COG5: variants seen among roughly 807,000 people sequenced by gnomAD.
COG5 encodes the protein conserved oligomeric Golgi complex subunit 5.
A neutral mutation model predicts 110.4 loss-of-function variants in COG5; 86 were observed. The ratio of observed to expected loss-of-function variants is 0.78; its 90% confidence interval spans 0.65 to 0.93. The LOEUF is 0.93. Among genes scored for constraint, COG5 ranks in the 40% least tolerant of loss-of-function variants. The pLI, the probability that COG5 is intolerant of heterozygous loss-of-function variation, is 0.00. For missense variants in COG5, 1,077 were observed against 987.0 expected, an observed-to-expected ratio of 1.09 and a Z score of -1.22; for synonymous variants, 360 against 334.6, an observed-to-expected ratio of 1.08 and a Z score of -0.83.
intron 14 of COG5, among the ~76,000 whole-genome samples, chr7:107,278,488 T>G (rs1465024962): frequency 1.3e-5 from 2 of 152,142 alleles, no homozygotes; most frequent in Non-Finnish European, 2.9e-5. Flanking sequence ...TTCTCATTGG[T>G]CAACTCCCAC....
chr7:107,304,173 C>A (rs1335257099), intron 11 of COG5, among the ~76,000 whole-genome samples: 3 of 152,144 alleles, frequency 2.0e-5, no homozygotes, highest in Non-Finnish European at 2.9e-5. Context: ...GCAAAAAGAA[C>A]CCCCACAGTT....
intron 6 of COG5, among the ~76,000 whole-genome samples, chr7:107,426,222 G>A (rs1390829211): frequency 6.6e-6 from 1 of 152,122 alleles, no homozygotes; most frequent in Admixed American, 6.6e-5. Context: ...TATGTCTCCA[G>A]ACACTGTTAT....
chr7:107,353,007 C>A (rs1242691426), intron 10 of COG5, among the ~76,000 whole-genome samples: 1 of 152,136 alleles, frequency 6.6e-6, no homozygotes, highest in Non-Finnish European at 1.5e-5. Flanking sequence ...GGTGATTAGA[C>A]AGTGATAATA....
chr7:107,295,975 T>C (rs1183458739), intron 12 of COG5, among the ~76,000 whole-genome samples: 2 of 152,006 alleles, frequency 1.3e-5, no homozygotes, highest in Non-Finnish European at 2.9e-5. Flanking sequence ...TTTTTTTCAG[T>C]AGAGATGGTG....
intron 2 of COG5, among the ~76,000 whole-genome samples, chr7:107,555,905 T>G (rs1409371780): frequency 6.6e-6 from 1 of 151,730 alleles, no homozygotes; most frequent in Admixed American, 6.6e-5. Context: ...TCTCAGCTAC[T>G]CAGGAGGCTG....
chr7:107,274,290 C>A (rs949690125), intron 14 of COG5, among the ~76,000 whole-genome samples: 2 of 152,032 alleles, frequency 1.3e-5, no homozygotes, highest in Non-Finnish European at 2.9e-5. Context: ...GGCAACATAG[C>A]GAAACCCTGT....
intron 21 of COG5, among the ~76,000 whole-genome samples, chr7:107,204,421 G>A (rs570510191): frequency 1.3e-5 from 2 of 151,822 alleles, no homozygotes; most frequent in East Asian, 1.9e-4. Flanking sequence ...GAACCAGATC[G>A]TCTGTTTAAG....
chr7:107,355,196 T>A (rs1010656035), intron 10 of COG5, among the ~76,000 whole-genome samples: 2 of 152,020 alleles, frequency 1.3e-5, no homozygotes, highest in Admixed American at 1.3e-4. Context: ...CAGGAAAACA[T>A]AAATTTAAAA....
At chr7:107,225,953 G>C (rs1321271628) in intron 19 of COG5, among the ~76,000 whole-genome samples, 1 of 152,166 alleles carries the variant, frequency 6.6e-6, no homozygotes, top group Non-Finnish European at 1.5e-5. Context: ...TGATGCAGGA[G>C]AATCGCTTGA....
At position 107,203,205 on chromosome 7, in the gene COG5, CT is replaced by C; in HGVS notation, c.*310del. The C allele has an allele frequency of 2.6e-6, 1 of 386,234 alleles. No homozygotes were observed. The allele number at this position is 386,234 out of a possible 1,614,324, so 23.9% of individuals were successfully genotyped here. A position where few individuals can be genotyped will look rare whatever the true frequency, so the allele number is the denominator to read the frequency against. ...CATATCCCTTTAAAAGAAGTGGGGA[CT>C]TTGGGTTTATGTACCCATAGGAGGA... On this transcript the variant is annotated 3_prime_UTR_variant, in exon 22 of 22. Transcript: ENST00000297135.
At chr7:107,247,209 G>A (rs1004604347) in intron 17 of COG5, among the ~76,000 whole-genome samples, 4 of 152,084 alleles carry the variant, frequency 2.6e-5, no homozygotes, top group Non-Finnish European at 4.4e-5. Context: ...CAGACACTGG[G>A]GTCGACTTGA....
chr7:107,223,681 T>C (rs1363206486), intron 19 of COG5, among the ~76,000 whole-genome samples: 4 of 152,348 alleles, frequency 2.6e-5, no homozygotes, highest in South Asian at 4.1e-4. Context: ...ATTCAAATCC[T>C]GTTCCGGGAC....
intron 6 of COG5, among the ~76,000 whole-genome samples, chr7:107,503,438 T>C (rs530754417): frequency 2.6e-5 from 4 of 152,312 alleles, no homozygotes; most frequent in East Asian, 3.9e-4. Context: ...AGTAATATGA[T>C]GCCTCCAGAT....
At chr7:107,234,842 G>A (rs547791134) in intron 18 of COG5, among the ~76,000 whole-genome samples, 11 of 151,994 alleles carry the variant, frequency 7.2e-5, no homozygotes, top group African/African-American at 2.7e-4. Context: ...TAAGCAATCT[G>A]GAACCCCAGT....
intron 17 of COG5, among the ~76,000 whole-genome samples, chr7:107,247,136 T>C (rs1251336040): frequency 3.3e-5 from 5 of 152,124 alleles, no homozygotes; most frequent in African/African-American, 1.2e-4. Flanking sequence ...CCAAATACTA[T>C]GTGTTCTCAC....
At chr7:107,294,881 T>TTGTGTGTGTG (rs756358916) in intron 12 of COG5, among the ~76,000 whole-genome samples, 36 of 94,272 alleles carry the variant, frequency 3.8e-4, no homozygotes, top group African/African-American at 1.7e-3. Context: ...ATGCCTGGAT[T>TTGTGTGTGTG]TGTGTGTGTG....
In COG5 at chr7:107,236,609, A is replaced by T; in HGVS notation, c.1932T>A (p.Val644=). The T allele has an allele frequency of 6.2e-7, 1 of 1,614,140 alleles. No homozygotes were observed. Among genetic ancestry groups the T allele is most frequent in the Non-Finnish European group, 8.5e-7 (1 of 1,180,016 alleles). The change falls in exon 18 of 22, where the codon GTT becomes GTA. Residue 644 remains valine, a synonymous_variant. Transcript: ENST00000297135. ...MKELQGFIAR[V]MSDYFKHFEC... ...CAAAGTGTTTAAAATAGTCACTCAT[A>T]ACTCTGGCAATGAAACCTTGTAGCT...
chr7:107,258,418 A>T, intron 14 of COG5, 35 bp from the exon 15 acceptor site: 11 of 1,134,890 alleles, frequency 9.7e-6, no homozygotes, highest in African/African-American at 1.5e-5. Context: ...ATGTGTCAGA[A>T]TGATAATTCT....
intron 6 of COG5, among the ~76,000 whole-genome samples, chr7:107,438,606 T>G (rs961612838): frequency 6.6e-6 from 1 of 152,178 alleles, no homozygotes; most frequent in Non-Finnish European, 1.5e-5. Flanking sequence ...GACTGAGAAG[T>G]TATATTTCCT....
Sources: allele counts gnomAD v4.1 joint callset (sites outside exome capture counted in the v4.1 genomes callset), GRCh38; gene constraint gnomAD v4.1.1; transcripts MANE v1.5; gene names NCBI Gene and HGNC (gene_info 2026-07-23, HGNC 2026-07-21).